Variants in MAPT observed in about 807,000 individuals in gnomAD.
MAPT encodes microtubule associated protein tau, also known as microtubule-associated protein tau.
A neutral mutation model predicts 67.9 loss-of-function variants in MAPT; 34 were observed. The ratio of observed to expected loss-of-function variants is 0.50; its 90% CI spans 0.38 to 0.67. The LOEUF (loss-of-function observed/expected upper bound fraction) is 0.67. Among genes scored for constraint, MAPT ranks in the 30% least tolerant of loss-of-function variants. The pLI, the probability that MAPT is intolerant of heterozygous loss-of-function variation, is 0.00. For synonymous variants in MAPT, 456 were observed against 464.5 expected (o/e 0.98, Z 0.23); for missense variants, 881 against 1,115.2 (o/e 0.79, Z 2.99).
chr17:45,956,592 A>T (rs1459427550), intron 1 of MAPT, among the ~76,000 whole-genome samples: 28 of 22,474 alleles, frequency 1.2e-3, no homozygotes, highest in African/African-American at 3.5e-3. Flanking sequence ...ATATATATAT[A>T]TATATATATT....
chr17:45,935,314 T>C (rs2067224911), intron 1 of MAPT, among the ~76,000 whole-genome samples: 1 of 152,118 alleles, frequency 6.6e-6, no homozygotes, highest in Non-Finnish European at 1.5e-5. Context: ...CAAGGCTTTG[T>C]TCTGCAGCAA....
At chr17:45,928,687 TTTTG>T (rs1014875700) in intron 1 of MAPT, among the ~76,000 whole-genome samples, 9 of 152,030 alleles carry the variant, frequency 5.9e-5, no homozygotes, top group Non-Finnish European at 8.8e-5. Flanking sequence ...CATATATATA[TTTTG>T]TTTGTTTGTT....
rs2067381900 is a variant in MAPT, at chr17:45,936,896, G to A, written c.-17-25425G>A. Among the ~76,000 whole-genome samples, 4 of 152,250 alleles carry A rather than the reference G, an allele frequency of 2.6e-5. No individual in the cohort carries two copies. In the South Asian group the frequency reaches 8.3e-4, roughly 32 times the overall value. On this transcript the variant is annotated intron_variant, in intron 1 of 12. Coordinates refer to ENST00000262410, the MANE Select transcript of MAPT (RefSeq NM_001377265.1). The stretch of plus-strand genomic sequence containing the variant: ...CACATATGCCTCCCAAATACACACA[G>A]TGTGCATGCCCAGGGACATAGAGCA...
intron 1 of MAPT, among the ~76,000 whole-genome samples, chr17:45,960,601 T>C (rs1483214255): frequency 6.6e-6 from 1 of 152,222 alleles, no homozygotes; most frequent in Non-Finnish European, 1.5e-5. Context: ...ACATTTTCTA[T>C]AATAAGGTTG....
intron 1 of MAPT, among the ~76,000 whole-genome samples, chr17:45,937,026 C>G (rs1001231692): frequency 7.2e-5 from 11 of 152,214 alleles, no homozygotes; most frequent in Non-Finnish European, 1.2e-4. Context: ...CCGTCCCACG[C>G]CTACTCAGAG....
intron 6 of MAPT, among the ~76,000 whole-genome samples, chr17:45,989,651 A>AAAAAAG (rs910308098): frequency 7.9e-5 from 12 of 152,336 alleles, no homozygotes; most frequent in East Asian, 7.7e-4. Flanking sequence ...ACTCCGTCTC[A>AAAAAAG]AAAAAGAAAA....
At chr17:45,967,615 G>A (rs2071220021) in intron 2 of MAPT, among the ~76,000 whole-genome samples, 1 of 152,136 alleles carries the variant, frequency 6.6e-6, no homozygotes, top group Admixed American at 6.5e-5. Context: ...TTTTAACAAA[G>A]GGCATGAGGT....
At chr17:45,997,976 G>A (rs1392664879) in intron 9 of MAPT, among the ~76,000 whole-genome samples, 1 of 152,130 alleles carries the variant, frequency 6.6e-6, no homozygotes, top group Non-Finnish European at 1.5e-5. Flanking sequence ...CCAGCACTGG[G>A]GAGCTGGGGA....
In MAPT at chr17:46,026,964, A is replaced by G. The variant is rs960555544; in HGVS notation, c.*2793A>G. On this transcript the variant is annotated 3_prime_UTR_variant, in exon 13 of 13. Coordinates refer to ENST00000262410, the MANE Select transcript of MAPT (RefSeq NM_001377265.1). Reference sequence around the variant, plus strand: ...GGGGCTGGCAGCTTCGTGTGCAGCTAGAGCTTTACCTGAAAGGAAGTCTCT... The same window carrying G: ...GGGGCTGGCAGCTTCGTGTGCAGCTGGAGCTTTACCTGAAAGGAAGTCTCT... 5 of 152,346 alleles carry G rather than the reference A, an allele frequency of 3.3e-5. No homozygotes were observed. Among genetic ancestry groups the G allele is most frequent in the African/African-American group, 9.6e-5 (4 of 41,566 alleles). 9.4% of individuals were successfully genotyped at this position (152,346 alleles called of 1,614,324 possible).
At chr17:45,986,586 G>C (rs1182956493) in intron 5 of MAPT, among the ~76,000 whole-genome samples, 1 of 152,190 alleles carries the variant, frequency 6.6e-6, no homozygotes, top group Non-Finnish European at 1.5e-5. Context: ...CTTGCAGGAG[G>C]CTGGGTCCTC....
chr17:45,989,307 G>A (rs1198206975), intron 6 of MAPT, among the ~76,000 whole-genome samples: 2 of 152,148 alleles, frequency 1.3e-5, no homozygotes, highest in African/African-American at 2.4e-5. Context: ...CCAACAGGCT[G>A]GAGAAAGAAC....
chr17:45,922,458 G>C (rs1475315031), intron 1 of MAPT, among the ~76,000 whole-genome samples: 1 of 143,400 alleles, frequency 7.0e-6, no homozygotes, highest in Non-Finnish European at 1.6e-5. Flanking sequence ...CTGAGGAACT[G>C]AGTCCCGTCC....
At chr17:45,931,602 G>A (rs913188043) in intron 1 of MAPT, among the ~76,000 whole-genome samples, 2 of 152,144 alleles carry the variant, frequency 1.3e-5, no homozygotes, top group African/African-American at 2.4e-5. Context: ...TACCATTGAT[G>A]TACGGCTTTA....
chr17:45,975,044 G>C (rs530507725), intron 3 of MAPT: 5 of 153,638 alleles, frequency 3.3e-5, no homozygotes, highest in African/African-American at 1.2e-4. Context: ...GTCAACATGG[G>C]TGATGGGGAA....
At chr17:45,993,686 T>G (rs1460053094) in intron 8 of MAPT, among the ~76,000 whole-genome samples, 1 of 152,218 alleles carries the variant, frequency 6.6e-6, no homozygotes, top group African/African-American at 2.4e-5. Context: ...AGTGCTGGGA[T>G]TACAGGGGAC....
Position 46,014,216 on chromosome 17 carries a change from TTCTCTCTCCTCC to T in MAPT, c.2092-20_2092-9del, listed in dbSNP as rs772451344. 2 of 1,398,450 alleles carry T rather than the reference TTCTCTCTCCTCC, an allele frequency of 1.4e-6. No homozygotes were observed. Among genetic ancestry groups the T allele is most frequent in the Non-Finnish European group, 2.0e-6 (2 of 984,342 alleles). The allele number at this position is 1,398,450 out of a possible 1,614,324, so 86.6% of individuals were successfully genotyped here. A position where few individuals can be genotyped will look rare whatever the true frequency, so the allele number is the denominator to read the frequency against. On this transcript the variant is annotated splice_polypyrimidine_tract_variant and intron_variant, in intron 10 of 12. Coordinates refer to ENST00000262410, the MANE Select transcript of MAPT (RefSeq NM_001377265.1). ...TCTTCCTCTCTCTCTGCCTTTCCTC[TTCTCTCTCCTCC>T]TCTCTCATCTCCAGGTGCAAATAGT...
chr17:46,017,637 T>C (rs1352284126), intron 11 of MAPT, among the ~76,000 whole-genome samples: 2 of 149,314 alleles, frequency 1.3e-5, no homozygotes, highest in African/African-American at 4.9e-5. Flanking sequence ...TATTTTTTTT[T>C]TAGTAGAGAC....
chr17:46,009,807 T>C (rs1485545682), intron 9 of MAPT, among the ~76,000 whole-genome samples: 2 of 152,166 alleles, frequency 1.3e-5, no homozygotes, highest in African/African-American at 4.8e-5. Context: ...GCTGAGATTG[T>C]AAAAATCCAC....
intron 1 of MAPT, among the ~76,000 whole-genome samples, chr17:45,959,729 C>T (rs948295320): frequency 6.8e-6 from 1 of 146,966 alleles, no homozygotes; most frequent in Non-Finnish European, 1.5e-5. Flanking sequence ...TTCAGTGAGC[C>T]AAGATTGCAC....
Sources: gnomAD v4.1 joint callset for allele counts (sites outside exome capture counted in the v4.1 genomes callset) on GRCh38, gnomAD v4.1.1 for gene constraint, MANE v1.5 for transcripts, NCBI Gene and HGNC (gene_info 2026-07-23, HGNC 2026-07-21) for gene names.